The following CLMN variants were observed in gnomAD, a reference collection of about 807,000 sequenced individuals.
CLMN encodes the protein calmin (calponin-like, transmembrane).
Under a neutral mutation model 92.7 loss-of-function variants are expected in CLMN, and 57 were observed. That is an observed-to-expected ratio of 0.61 (90% CI 0.50 to 0.77). The LOEUF is 0.77. Ranked by LOEUF, CLMN falls within the 30% of genes least tolerant of loss-of-function variation. CLMN has a pLI of 0.00. For missense variants in CLMN, 1,158 were observed against 1,237.5 expected, an observed-to-expected ratio of 0.94 and a Z score of 0.96; for synonymous variants, 466 against 470.6, an observed-to-expected ratio of 0.99 and a Z score of 0.13.
rs1896652983 is a variant in CLMN at position 95,194,671 on chromosome 14, C to T, written c.2709-75G>A. 8.6e-6 allele frequency: 12 copies of T among 1,400,250 alleles called. No individual in the cohort carries two copies. In the South Asian group the frequency reaches 1.4e-4, roughly 16 times the overall value. 86.7% of individuals were successfully genotyped at this position (1,400,250 alleles called of 1,614,324 possible). A position where few individuals can be genotyped will look rare whatever the true frequency, so the allele number is the denominator to read the frequency against. ...GGCTCAGTTGTACGGTCACCCCCAT[C>T]CTGGGGTTTCCACGTATGGGTTTAG... On this transcript the variant is annotated intron_variant, in intron 10 of 12. Transcript: ENST00000298912. The surrounding 1 kb of genome is among the most constrained non-coding windows in gnomAD (Gnocchi z 4.0).
rs141951165 is a variant in CLMN, at chr14:95,265,282, G to A, written c.83-35149C>T. ...CCAGCTGACTTTGAGAAAAGCAGAC[G>A]GCCCTCCATCAAATGTGGGTGGGCT... On this transcript the variant is annotated intron_variant, in intron 1 of 12. Transcript: ENST00000298912. Among the ~76,000 whole-genome samples the A allele has an allele frequency of 1.6e-3, 243 of 151,820 alleles. 2 individuals carry two copies. Among genetic ancestry groups the A allele is most frequent in the African/African-American group, 4.6e-3 (190 of 41,416 alleles).
chr14:95,200,623 C>A (rs566877131), intron 9 of CLMN, among the ~76,000 whole-genome samples: 1 of 152,192 alleles, frequency 6.6e-6, no homozygotes. Flanking sequence ...CCCCATCAGG[C>A]CAGCCGCCCA....
chr14:95,292,009 G>A (rs894430895), intron 1 of CLMN, among the ~76,000 whole-genome samples: 1 of 152,244 alleles, frequency 6.6e-6, no homozygotes, highest in African/African-American at 2.4e-5. Context: ...CTGGCACTGT[G>A]CCAAGGGTTG....
In CLMN at chr14:95,256,980, G is replaced by A. The variant is rs1829340118; in HGVS notation, c.83-26847C>T. On this transcript the variant is annotated intron_variant, in intron 1 of 12. Coordinates refer to ENST00000298912, the MANE Select transcript of CLMN (RefSeq NM_024734.4). The surrounding 1 kb of genome is among the most constrained non-coding windows in gnomAD (Gnocchi z 4.9). ...TCTAATGATGAATGATGTGTTCTGA[G>A]ACTGGTTAAGCCCACGCTCCTTGAC... Among the ~76,000 whole-genome samples, 1 of 152,230 alleles carries A rather than the reference G, an allele frequency of 6.6e-6. No individual in the cohort carries two copies. The highest frequency in any genetic ancestry group is 2.4e-5 in the African/African-American group (1 of 41,454).
chr14:95,260,313 G>C (rs149081125), intron 1 of CLMN, among the ~76,000 whole-genome samples: 407 of 152,202 alleles, frequency 2.7e-3, no homozygotes, highest in African/African-American at 9.3e-3. Context: ...GAGGTGGCGG[G>C]CGCCTGTAGT....
At chr14:95,300,068 A>G (rs1484175429) in intron 1 of CLMN, among the ~76,000 whole-genome samples, 1 of 152,200 alleles carries the variant, frequency 6.6e-6, no homozygotes, top group Non-Finnish European at 1.5e-5. Context: ...CTCAATCAGG[A>G]AGCTCTGATT....
At chr14:95,280,998 T>C (rs1900125313) in intron 1 of CLMN, among the ~76,000 whole-genome samples, 1 of 152,246 alleles carries the variant, frequency 6.6e-6, no homozygotes, top group Non-Finnish European at 1.5e-5. Flanking sequence ...TATAATCAGC[T>C]ACGGAACTCT....
At position 95,303,844 on chromosome 14, in the gene CLMN, G is replaced by A. The variant is rs538512613; in HGVS notation, c.82+15867C>T. ...GAGAGATTTCTCAGAGATGAGGACGGACCCAACTGGGCTTCTAATTTTAGT... is the reference window on the plus strand; with the variant it reads ...GAGAGATTTCTCAGAGATGAGGACGAACCCAACTGGGCTTCTAATTTTAGT... On this transcript the variant is annotated intron_variant, in intron 1 of 12. Transcript: ENST00000298912. Among the ~76,000 whole-genome samples, 7 of 152,336 alleles carry A rather than the reference G, an allele frequency of 4.6e-5. No homozygotes were observed. The East Asian group carries it at 1.4e-3, about 29-fold the overall frequency.
chr14:95,309,264 C>T (rs1901423214), intron 1 of CLMN, among the ~76,000 whole-genome samples: 3 of 152,192 alleles, frequency 2.0e-5, no homozygotes, highest in Admixed American at 6.5e-5. Context: ...TAATGATGCT[C>T]TCTTGTTTTC....
chr14:95,235,564 G>A (rs1200839994), intron 1 of CLMN, among the ~76,000 whole-genome samples: 1 of 152,144 alleles, frequency 6.6e-6, no homozygotes, highest in Non-Finnish European at 1.5e-5. Context: ...ATGACTCGTG[G>A]GCACTGGGCC....
At position 95,223,775 on chromosome 14, in the gene CLMN, C is replaced by G. The variant is rs1317469508; in HGVS notation, c.225G>C (p.Leu75=). ...ACATACGTACCAGATTCCGCCCAGA[C>G]AGGACTTCTAACAAAGCCATTAGGA... is the stretch of plus-strand genomic sequence containing the variant. ...GKILMALLEV[L]SGRNLLHEYK... The change falls in exon 3 of 13, where the codon CTG becomes CTC. Residue 75 remains leucine (L), a synonymous_variant. Coordinates refer to ENST00000298912, the MANE Select transcript of CLMN (RefSeq NM_024734.4). The G allele has an allele frequency of 1.2e-6, 2 of 1,613,344 alleles. No individual in the cohort carries two copies. The highest frequency in any genetic ancestry group is 1.7e-6 in the Non-Finnish European group (2 of 1,179,674).
chr14:95,294,634 TAG>T lies in CLMN; in HGVS notation c.82+25075_82+25076del. Among the ~76,000 whole-genome samples the T allele has an allele frequency of 6.6e-6, 1 of 152,336 alleles. No homozygotes were observed. The highest frequency in any genetic ancestry group is 1.9e-4 in the East Asian group (1 of 5,180). ...TATTTTCAGGTGTGATGGTGAGGAT[TAG>T]GATAAATCCCTGTGCTAGTCTCCTT... On this transcript the variant is annotated intron_variant, in intron 1 of 12. Transcript: ENST00000298912. The surrounding 1 kb of genome is among the most constrained non-coding windows in gnomAD (Gnocchi z 4.2).
chr14:95,248,820 G>T (rs28369456), intron 1 of CLMN, among the ~76,000 whole-genome samples: 22,919 of 152,060 alleles, frequency 0.15, 2,948 homozygotes, highest in African/African-American at 0.34. Context: ...AGGAAACAAC[G>T]TTTTTATCAT....
chr14:95,317,801 T>A (rs1381229337), intron 1 of CLMN, among the ~76,000 whole-genome samples: 3 of 152,240 alleles, frequency 2.0e-5, no homozygotes, highest in Admixed American at 1.3e-4. Flanking sequence ...TACATAGATG[T>A]ACTCATACAT....
Position 95,189,740 on chromosome 14 carries a change from C to G in CLMN, c.*1824G>C, listed in dbSNP as rs768592091. On this transcript the variant is annotated 3_prime_UTR_variant, in exon 13 of 13. Transcript: ENST00000298912. ...TTTATTATCTGTACCTTTGAGCTTT[C>G]ATTGATGCCAGGGAGCTCATTAATT... 6 of 152,222 alleles carry G rather than the reference C, an allele frequency of 3.9e-5. No homozygotes were observed. The highest frequency in any genetic ancestry group is 7.3e-5 in the Non-Finnish European group (5 of 68,040). 9.4% of individuals were successfully genotyped at this position (152,222 alleles called of 1,614,324 possible).
At chr14:95,244,915 T>C (rs1047679686) in intron 1 of CLMN, among the ~76,000 whole-genome samples, 4 of 151,350 alleles carry the variant, frequency 2.6e-5, no homozygotes. Context: ...ACAGTTCCTT[T>C]TTCACTTTGC....
In CLMN at chr14:95,191,718, G is replaced by C; in HGVS notation, c.2855C>G (p.Ser952Ter). ...GCTCCCCAGTGACATGGCTTCTCCT[G>C]AGCTGTTGGCCTTCCTACAGAAGAA... ...NRILTRKANS[S>*]GEAMSLGSHS... The change falls in exon 13 of 13, where the codon TCA (serine) becomes TGA (stop). Residue 952 changes from serine to a stop codon, truncating the protein, a stop_gained. Transcript: ENST00000298912. LOFTEE classifies it high-confidence loss of function. The surrounding 1 kb of genome is among the most constrained non-coding windows in gnomAD (Gnocchi z 5.3). 6.2e-7 allele frequency: 1 copy of C among 1,607,576 alleles called. No homozygotes were observed. Among genetic ancestry groups the C allele is most frequent in the Non-Finnish European group, 8.5e-7 (1 of 1,178,214 alleles).
intron 9 of CLMN, 32 bp from the exon 10 acceptor site, chr14:95,196,726 T>A: frequency 1.2e-6 from 2 of 1,600,242 alleles, no homozygotes; most frequent in Non-Finnish European, 1.7e-6. Context: ...TCCAAGTCAG[T>A]ATGTCACGCT....
rs1192399548 is a variant in CLMN, at chr14:95,222,558, C to T, written c.241-784G>A. 1.5e-5 allele frequency: 7 copies of T among 455,456 alleles called. No individual in the cohort carries two copies. The Admixed American group carries it at 1.6e-4, about 11-fold the overall frequency. 28.2% of individuals were successfully genotyped at this position (455,456 alleles called of 1,614,324 possible). On this transcript the variant is annotated intron_variant, in intron 3 of 12. Transcript: ENST00000298912. ...CTGGGCTCCAGAATCAAAGACTCCC[C>T]GTGGAGGCCCACCAAGGACACAGCA...
Sources: gnomAD v4.1 joint callset for allele counts (sites outside exome capture counted in the v4.1 genomes callset) on GRCh38, gnomAD v4.1.1 for gene constraint, Gnocchi (gnomAD v3.1) non-coding constraint, MANE v1.5 for transcripts, NCBI Gene and HGNC (gene_info 2026-07-23, HGNC 2026-07-21) for gene names.